Variants in CEP89 observed in about 807,000 individuals in gnomAD.
The protein encoded by CEP89 is centrosomal protein 89.
A neutral mutation model predicts 97.6 loss-of-function variants in CEP89; 95 were observed. That is an observed-to-expected ratio of 0.97 (90% confidence interval 0.82 to 1.15). The LOEUF is 1.15. CEP89 is among the 50% of genes most tolerant of loss of function. CEP89 has a pLI of 0.00. For synonymous variants in CEP89, 354 were observed against 349.1 expected, an observed-to-expected ratio of 1.01 and a Z score of -0.16; for missense variants, 869 against 947.7, an observed-to-expected ratio of 0.92 and a Z score of 1.09.
intron 4 of CEP89, among the ~76,000 whole-genome samples, chr19:32,949,384 C>A (rs1172239070): frequency 2.7e-5 from 4 of 145,966 alleles, no homozygotes; most frequent in Non-Finnish European, 6.1e-5. Flanking sequence ...TGAAGCAGGT[C>A]TTTTTTTTTT....
chr19:32,959,046 C>CA lies in CEP89; in HGVS notation c.305+853dup, dbSNP rs34340476. 6.1e-3 allele frequency among the ~76,000 whole-genome samples: 620 copies of CA among 102,400 alleles called. 2 individuals are homozygous for CA. Among genetic ancestry groups the CA allele is most frequent in the African/African-American group, 0.016 (471 of 29,260 alleles). The allele number at this position is 102,400 out of a possible 152,430, so 67.2% of individuals were successfully genotyped here. On this transcript the variant is annotated intron_variant, in intron 3 of 18. Transcript: ENST00000305768. ...ACAAAACAAAACAAAACAAACAAAACAAAAAAAAAAAAAACAGACAAATGT... is the reference window on the plus strand; with the variant it reads ...ACAAAACAAAACAAAACAAACAAAACAAAAAAAAAAAAAAACAGACAAATGT...
intron 18 of CEP89, among the ~76,000 whole-genome samples, chr19:32,881,251 T>C (rs1969273752): frequency 6.6e-6 from 1 of 152,088 alleles, no homozygotes; most frequent in African/African-American, 2.4e-5. Context: ...CAGTAAGCTA[T>C]GATCACACCA....
chr19:32,960,931 G>C (rs1403466044), intron 2 of CEP89, among the ~76,000 whole-genome samples: 1 of 152,210 alleles, frequency 6.6e-6, no homozygotes, highest in Non-Finnish European at 1.5e-5. Context: ...CTGAGTTGCA[G>C]AGATGGAGCT....
In CEP89 at chr19:32,922,275, C is replaced by T. The variant is rs112180429; in HGVS notation, c.1268+1164G>A. ...GAGACAAAGGGGCCGGGTGCAGTGG[C>T]TCCAGCCTGCAATCCCAGCACTTTG... On this transcript the variant is annotated intron_variant, in intron 12 of 18. Transcript: ENST00000305768. Among the ~76,000 whole-genome samples the T allele has an allele frequency of 3.0e-4, 45 of 152,320 alleles. 4 individuals carry two copies. The highest frequency in any genetic ancestry group is 1.0e-3 in the African/African-American group (43 of 41,574).
chr19:32,931,330 T>C lies in CEP89; in HGVS notation c.1029+99A>G. On this transcript the variant is annotated intron_variant, in intron 9 of 18. Coordinates refer to ENST00000305768, the MANE Select transcript of CEP89 (RefSeq NM_032816.5). ...TGCCTTGGACAGAGCTTTTCTTACA[T>C]CAAATTATAATAAATAAGAACCTCT... The C allele has an allele frequency of 2.6e-6, 3 of 1,140,992 alleles. No homozygotes were observed. The South Asian group carries it at 4.9e-5, about 19-fold the overall frequency. The allele number at this position is 1,140,992 out of a possible 1,614,324, so 70.7% of individuals were successfully genotyped here.
chr19:32,886,081 T>G (rs1969388697), intron 17 of CEP89, among the ~76,000 whole-genome samples: 1 of 152,216 alleles, frequency 6.6e-6, no homozygotes, highest in African/African-American at 2.4e-5. Context: ...CATTTCTTCC[T>G]GGCTCTGACT....
chr19:32,931,367 A>G, intron 9 of CEP89, 62 bp downstream of exon 9: 1 of 1,413,684 alleles, frequency 7.1e-7, no homozygotes, highest in Non-Finnish European at 9.6e-7. Context: ...AAGATTGGAA[A>G]TCAATTCAAC....
chr19:32,888,782 A>G (rs1969452531), intron 16 of CEP89, among the ~76,000 whole-genome samples: 1 of 151,438 alleles, frequency 6.6e-6, no homozygotes, highest in African/African-American at 2.4e-5. Flanking sequence ...ACTGAAAGTG[A>G]TTTTTGTTTT....
chr19:32,948,213 A>G, intron 5 of CEP89, 53 bp downstream of exon 5: 5 of 1,034,600 alleles, frequency 4.8e-6, no homozygotes, highest in East Asian at 5.2e-5. Context: ...AGCAATATTC[A>G]TTATGAAAAA....
chr19:32,931,228 T>A (rs919776), intron 9 of CEP89: 195,497 of 551,654 alleles, frequency 0.35, 35,546 homozygotes, highest in Admixed American at 0.49. Flanking sequence ...CCCAATGTTT[T>A]ACAGTCTTTA....
chr19:32,912,600 G>A (rs7247248), intron 14 of CEP89, among the ~76,000 whole-genome samples: 56,670 of 151,872 alleles, frequency 0.37, 10,892 homozygotes, highest in Non-Finnish European at 0.41. Flanking sequence ...TATCCTATTG[G>A]TTGCTTCTCT....
chr19:32,919,084 AC>A (rs553847205), intron 12 of CEP89, among the ~76,000 whole-genome samples: 340 of 152,132 alleles, frequency 2.2e-3, no homozygotes, highest in African/African-American at 8.0e-3. Flanking sequence ...ACAGGGTTTC[AC>A]CATGTTAGCC....
At chr19:32,932,196 GAAA>G in intron 8 of CEP89, among the ~76,000 whole-genome samples, 1 of 145,634 alleles carries the variant, frequency 6.9e-6, no homozygotes, top group South Asian at 2.2e-4. Flanking sequence ...AAAAAAAAAA[GAAA>G]GAGAAAAATC....
At chr19:32,951,465 G>A (rs561569972) in intron 4 of CEP89, among the ~76,000 whole-genome samples, 11 of 151,368 alleles carry the variant, frequency 7.3e-5, no homozygotes, top group Non-Finnish European at 1.3e-4. Flanking sequence ...CAGCCTGGGC[G>A]ACAGAGCAAG....
chr19:32,938,898 C>T lies in CEP89; in HGVS notation c.624+959G>A, dbSNP rs531517859. Among the ~76,000 whole-genome samples the T allele has an allele frequency of 5.3e-5, 8 of 151,970 alleles. No homozygotes were observed. The East Asian group carries it at 1.2e-3, about 22-fold the overall frequency. Reference sequence around the variant, plus strand: ...CCAGGAGGCGGAGGTTGCAGTGAGCCGAGACTGCGCCACTGCACTCCAGTC... The same window carrying T: ...CCAGGAGGCGGAGGTTGCAGTGAGCTGAGACTGCGCCACTGCACTCCAGTC... On this transcript the variant is annotated intron_variant, in intron 6 of 18. Coordinates refer to ENST00000305768, the MANE Select transcript of CEP89 (RefSeq NM_032816.5).
chr19:32,906,464 C>T (rs554233685), intron 14 of CEP89, among the ~76,000 whole-genome samples: 1 of 152,238 alleles, frequency 6.6e-6, no homozygotes, highest in South Asian at 2.1e-4. Context: ...TGATTATATG[C>T]TATTATTGTT....
intron 16 of CEP89, among the ~76,000 whole-genome samples, chr19:32,890,590 A>G (rs1236443740): frequency 1.3e-5 from 2 of 152,058 alleles, no homozygotes; most frequent in African/African-American, 4.8e-5. Flanking sequence ...CGCGCAATGA[A>G]GGAGAGGGAG....
chr19:32,960,291 A>T (rs1971140078), intron 2 of CEP89, among the ~76,000 whole-genome samples: 1 of 152,196 alleles, frequency 6.6e-6, no homozygotes. Context: ...ATGACTTGTA[A>T]AGATTACCTA....
At chr19:32,939,610 G>A (rs769812902) in intron 6 of CEP89, among the ~76,000 whole-genome samples, 23 of 151,290 alleles carry the variant, frequency 1.5e-4, no homozygotes, top group African/African-American at 4.4e-4. Flanking sequence ...CCTGGAAGAC[G>A]GAGACCGCAG....
Sources: gnomAD v4.1 joint callset for allele counts (sites outside exome capture counted in the v4.1 genomes callset) on GRCh38, gnomAD v4.1.1 for gene constraint, MANE v1.5 for transcripts, NCBI Gene and HGNC (gene_info 2026-07-23, HGNC 2026-07-21) for gene names.